The following RNF182 variants were observed in gnomAD, a reference collection of about 807,000 sequenced individuals.
RNF182 encodes the protein ring finger protein 182.
In RNF182, 15 loss-of-function variants were observed where a neutral mutation model predicts 14.4. That is an observed-to-expected ratio of 1.04 (90% CI 0.70 to 1.60). The LOEUF (loss-of-function observed/expected upper bound fraction) is 1.60, where lower values mean the gene tolerates loss of function less well. Among genes scored for constraint, RNF182 ranks in the 40% most tolerant of loss-of-function variants. The pLI, the probability that RNF182 is intolerant of heterozygous loss-of-function variation, is 0.00. For missense variants in RNF182, 268 were observed against 294.8 expected, an observed-to-expected ratio of 0.91 and a Z score of 0.67; for synonymous variants, 128 against 122.9, an observed-to-expected ratio of 1.04 and a Z score of -0.27.
In RNF182 at chr6:13,979,182, ACTT is replaced by A. The variant is rs1367931842; in HGVS notation, c.*1323_*1325del. Reference sequence around the variant, plus strand: ...TAATCTAGGTGATTTGAGTTAATGAACTTCTTTTCATGATGTAGGGAAAGTTGA... The same window carrying A: ...TAATCTAGGTGATTTGAGTTAATGAACTTTTCATGATGTAGGGAAAGTTGA... On this transcript the variant is annotated 3_prime_UTR_variant, in exon 3 of 3. Transcript: ENST00000488300. 1.2e-5 allele frequency: 2 copies of A among 167,000 alleles called. No homozygotes were observed. Among genetic ancestry groups the A allele is most frequent in the Non-Finnish European group, 2.9e-5 (2 of 68,112 alleles). 10.3% of individuals were successfully genotyped at this position (167,000 alleles called of 1,614,324 possible).
chr6:13,931,548 C>T (rs183028684), intron 1 of RNF182, among the ~76,000 whole-genome samples: 3 of 152,180 alleles, frequency 2.0e-5, no homozygotes, highest in Admixed American at 2.0e-4. Context: ...TCCTTGATAA[C>T]TCCTGGGGGG....
At chr6:13,925,162 G>C (rs1477173403) in intron 1 of RNF182, 139 bp downstream of exon 1, 2 of 128,818 alleles carry the variant, frequency 1.6e-5, no homozygotes, top group Admixed American at 8.2e-5. Context: ...GGCAAACTTC[G>C]GGCCGAGCGG....
intron 1 of RNF182, among the ~76,000 whole-genome samples, chr6:13,971,812 CA>C (rs1182074797): frequency 3.3e-5 from 5 of 152,104 alleles, no homozygotes; most frequent in African/African-American, 1.2e-4. Context: ...TATGTTTTAG[CA>C]AAGAGACTGA....
At chr6:13,950,492 C>A (rs926041216) in intron 1 of RNF182, among the ~76,000 whole-genome samples, 3 of 137,682 alleles carry the variant, frequency 2.2e-5, no homozygotes, top group Non-Finnish European at 3.1e-5. Context: ...TCTGACAAAA[C>A]AGGTACTTTT....
At chr6:13,951,973 C>T (rs542910141) in intron 1 of RNF182, among the ~76,000 whole-genome samples, 1 of 152,272 alleles carries the variant, frequency 6.6e-6, no homozygotes, top group Admixed American at 6.5e-5. Flanking sequence ...CCCTTTTGGC[C>T]CCTGCCTGTC....
chr6:13,953,145 T>C (rs1357028351), intron 1 of RNF182, among the ~76,000 whole-genome samples: 2 of 152,202 alleles, frequency 1.3e-5, no homozygotes, highest in African/African-American at 2.4e-5. Context: ...CTTCTTCCCT[T>C]AACTGTTAAT....
chr6:13,952,856 A>G (rs992129517), intron 1 of RNF182, among the ~76,000 whole-genome samples: 1 of 152,204 alleles, frequency 6.6e-6, no homozygotes, highest in African/African-American at 2.4e-5. Flanking sequence ...GTTAGGTACA[A>G]TGCTTGTTTA....
chr6:13,927,334 A>C (rs187807609), intron 1 of RNF182, among the ~76,000 whole-genome samples: 1 of 152,216 alleles, frequency 6.6e-6, no homozygotes, highest in Non-Finnish European at 1.5e-5. Context: ...TTTTCTGTCC[A>C]TGGTTTAGCC....
chr6:13,939,120 A>G (rs1489554437), intron 1 of RNF182, among the ~76,000 whole-genome samples: 1 of 152,210 alleles, frequency 6.6e-6, no homozygotes, highest in African/African-American at 2.4e-5. Flanking sequence ...ACATTGATGT[A>G]ATCCTGATAT....
intron 1 of RNF182, among the ~76,000 whole-genome samples, chr6:13,960,692 T>TGTGTGTGTGC (rs367625022): frequency 2.2e-5 from 3 of 137,692 alleles, no homozygotes; most frequent in African/African-American, 5.1e-5. Context: ...TGTGTGTGTG[T>TGTGTGTGTGC]GCGCGCGTGC....
intron 1 of RNF182, among the ~76,000 whole-genome samples, chr6:13,960,692 T>TGTGTGTGTGCGCGCGCGC (rs367625022): frequency 9.4e-5 from 13 of 137,694 alleles, no homozygotes; most frequent in African/African-American, 2.5e-4. Context: ...TGTGTGTGTG[T>TGTGTGTGTGCGCGCGCGC]GCGCGCGTGC....
chr6:13,926,087 G>A (rs1469954898), intron 1 of RNF182, among the ~76,000 whole-genome samples: 1 of 151,920 alleles, frequency 6.6e-6, no homozygotes, highest in Non-Finnish European at 1.5e-5. Context: ...AATAAGATTT[G>A]TTTTAAATCA....
rs558221193 is a variant in RNF182 at position 13,978,521 on chromosome 6, G to C, written c.*658G>C. The C allele has an allele frequency of 1.3e-4, 21 of 166,412 alleles. No homozygotes were observed. Among genetic ancestry groups the C allele is most frequent in the African/African-American group, 4.8e-4 (20 of 41,314 alleles). The allele number at this position is 166,412 out of a possible 1,614,324, so 10.3% of individuals were successfully genotyped here. A position where few individuals can be genotyped will look rare whatever the true frequency, so the allele number is the denominator to read the frequency against. On this transcript the variant is annotated 3_prime_UTR_variant, in exon 3 of 3. Coordinates refer to ENST00000488300, the MANE Select transcript of RNF182 (RefSeq NM_152737.4). ...ATCACAGTCAGCTTCATGGCAGAAT[G>C]TGGCCATTTGTCCTTGAGACACACT...
At chr6:13,927,705 G>A (rs1339208247) in intron 1 of RNF182, among the ~76,000 whole-genome samples, 1 of 152,202 alleles carries the variant, frequency 6.6e-6, no homozygotes, top group Non-Finnish European at 1.5e-5. Flanking sequence ...AGCCACTGAA[G>A]CCTTTATTGA....
At chr6:13,961,979 G>A (rs754758859) in intron 1 of RNF182, among the ~76,000 whole-genome samples, 1 of 152,000 alleles carries the variant, frequency 6.6e-6, no homozygotes, top group African/African-American at 2.4e-5. Flanking sequence ...ATAGTGAGAA[G>A]GATTTTTTTG....
chr6:13,977,263 C>G lies in RNF182; in HGVS notation c.144C>G (p.Leu48=). 4 of 1,614,186 alleles carry G rather than the reference C, an allele frequency of 2.5e-6. No homozygotes were observed. The highest frequency in any genetic ancestry group is 2.5e-6 in the Non-Finnish European group (3 of 1,180,034). Reference sequence around the variant, plus strand: ...GTCATAGGGTTTGTGCCAAATGCCTCTACAAGATCATAGACTTTGGGGACT... The same window carrying G: ...GTCATAGGGTTTGTGCCAAATGCCTGTACAAGATCATAGACTTTGGGGACT... ...ECCHRVCAKC[L]YKIIDFGDSP... The change falls in exon 3 of 3, where the codon CTC becomes CTG. Residue 48 remains leucine (L), a synonymous_variant. Transcript: ENST00000488300.
In RNF182 at chr6:13,968,191, GTAAT is replaced by G. The variant is rs546142648; in HGVS notation, c.-366-6014_-366-6011del. On this transcript the variant is annotated intron_variant, in intron 1 of 2. Transcript: ENST00000488300. ...AAGCACAGTAAAATAGTTTGATTAG[GTAAT>G]TAATAAGGAGTAAAACAATTTAGAA... 4.5e-3 allele frequency among the ~76,000 whole-genome samples: 681 copies of G among 152,210 alleles called. 4 individuals carry two copies. Among genetic ancestry groups the G allele is most frequent in the African/African-American group, 0.016 (651 of 41,540 alleles).
At chr6:13,975,253 T>G (rs1298852133) in intron 2 of RNF182, among the ~76,000 whole-genome samples, 1 of 152,078 alleles carries the variant, frequency 6.6e-6, no homozygotes, top group African/African-American at 2.4e-5. Context: ...GCCAGCCTTG[T>G]GGAACTGTGA....
At position 13,977,665 on chromosome 6, in the gene RNF182, C is replaced by G. The variant is rs761183489; in HGVS notation, c.546C>G (p.Ile182Met). ...CGTCCCTGCTGTTTCAGACATCCATCCGGGTGTTAGTGTGGTTGCTAGGTT... is the reference window on the plus strand; with the variant it reads ...CGTCCCTGCTGTTTCAGACATCCATGCGGGTGTTAGTGTGGTTGCTAGGTT... ...NCTSLLFQTS[I>M]RVLVWLLGLL... Residue 182 changes from isoleucine to methionine, a missense_variant, in exon 3 of 3, where the codon ATC (isoleucine) becomes ATG (methionine). Coordinates refer to ENST00000488300, the MANE Select transcript of RNF182 (RefSeq NM_152737.4). 2 of 1,614,178 alleles carry G rather than the reference C, an allele frequency of 1.2e-6. No homozygotes were observed. The highest frequency in any genetic ancestry group is 1.7e-5 in the Admixed American group (1 of 60,022).
Sources: gnomAD v4.1 joint callset for allele counts (sites outside exome capture counted in the v4.1 genomes callset) on GRCh38, gnomAD v4.1.1 for gene constraint, MANE v1.5 for transcripts, NCBI Gene and HGNC (gene_info 2026-07-23, HGNC 2026-07-21) for gene names.